Variants in CADM2 observed in about 807,000 individuals in gnomAD.
CADM2 encodes the protein immunoglobulin superfamily member 4D.
In CADM2, 12 loss-of-function variants were observed where a neutral mutation model predicts 49.8. The ratio of observed to expected loss-of-function variants is 0.24; its 90% confidence interval spans 0.15 to 0.39. The LOEUF (loss-of-function observed/expected upper bound fraction) is 0.39, where lower values mean the gene tolerates loss of function less well. Among genes scored for constraint, CADM2 ranks in the 10% least tolerant of loss-of-function variants. The pLI, the probability that CADM2 is intolerant of heterozygous loss-of-function variation, is 1.00. For missense variants in CADM2, 378 were observed against 492.3 expected (o/e 0.77, Z 2.20); for synonymous variants, 214 against 175.4 (o/e 1.22, Z -1.74).
At chr3:85,585,902 C>G (rs1414178897) in intron 1 of CADM2, among the ~76,000 whole-genome samples, 1 of 152,152 alleles carries the variant, frequency 6.6e-6, no homozygotes, top group Non-Finnish European at 1.5e-5. Context: ...TAAGATAATA[C>G]AGGTGTGACA....
At chr3:85,101,072 G>A (rs531968565) in intron 1 of CADM2, among the ~76,000 whole-genome samples, 3 of 152,202 alleles carry the variant, frequency 2.0e-5, no homozygotes, top group South Asian at 4.1e-4. Flanking sequence ...TGGCCAGCAT[G>A]GTGAAACCCT....
At chr3:85,939,272 A>G (rs757461239) in intron 7 of CADM2, among the ~76,000 whole-genome samples, 1 of 152,068 alleles carries the variant, frequency 6.6e-6, no homozygotes, top group Non-Finnish European at 1.5e-5. Flanking sequence ...CTATAGAAGC[A>G]TTCTATTCTT....
intron 1 of CADM2, among the ~76,000 whole-genome samples, chr3:85,570,007 A>G (rs901836389): frequency 6.6e-6 from 1 of 152,188 alleles, no homozygotes; most frequent in African/African-American, 2.4e-5. Flanking sequence ...CTCATTTTAT[A>G]TGATTCAAAC....
chr3:84,990,302 AT>A lies in CADM2; in HGVS notation c.61+30641del, dbSNP rs1330948658. Among the ~76,000 whole-genome samples the A allele has an allele frequency of 7.3e-5, 11 of 151,518 alleles. No individual in the cohort carries two copies. In the East Asian group the frequency reaches 1.4e-3, roughly 19 times the overall value. Reference sequence around the variant, plus strand: ...AAACATTAACTGGAATGATTTATATATTTTTTTAATTTGAGTGCTTGATCCA... The same window carrying A: ...AAACATTAACTGGAATGATTTATATATTTTTTAATTTGAGTGCTTGATCCA... On this transcript the variant is annotated intron_variant, in intron 1 of 9. Transcript: ENST00000383699.
At chr3:84,983,803 A>C (rs920988241) in intron 1 of CADM2, among the ~76,000 whole-genome samples, 1 of 152,028 alleles carries the variant, frequency 6.6e-6, no homozygotes, top group African/African-American at 2.4e-5. Flanking sequence ...TACGATTTTT[A>C]TTTTTCATTC....
chr3:85,873,959 G>A (rs550563574), intron 3 of CADM2, among the ~76,000 whole-genome samples: 27 of 151,998 alleles, frequency 1.8e-4, no homozygotes, highest in African/African-American at 5.8e-4. Context: ...GAAACTTTCC[G>A]TAGCAAAAAT....
intron 1 of CADM2, among the ~76,000 whole-genome samples, chr3:85,577,977 T>G (rs1330719642): frequency 6.9e-6 from 1 of 145,344 alleles, no homozygotes; most frequent in Non-Finnish European, 1.5e-5. Flanking sequence ...TCTTACCTAT[T>G]AATCTCTTTC....
intron 3 of CADM2, among the ~76,000 whole-genome samples, chr3:85,848,311 G>T (rs2074964494): frequency 6.6e-6 from 1 of 151,938 alleles, no homozygotes; most frequent in Non-Finnish European, 1.5e-5. Context: ...AATCTTAAAG[G>T]ACAAAAGGTT....
At chr3:85,576,661 G>A (rs1333202207) in intron 1 of CADM2, among the ~76,000 whole-genome samples, 1 of 151,818 alleles carries the variant, frequency 6.6e-6, no homozygotes, top group Non-Finnish European at 1.5e-5. Context: ...TATTCATTTG[G>A]AGTTAATGTT....
At chr3:85,841,173 A>G (rs1326987675) in intron 3 of CADM2, among the ~76,000 whole-genome samples, 1 of 151,908 alleles carries the variant, frequency 6.6e-6, no homozygotes, top group Non-Finnish European at 1.5e-5. Flanking sequence ...TTTCAGATAG[A>G]AATTTGACAA....
chr3:85,266,306 A>C (rs2106824652), intron 1 of CADM2, among the ~76,000 whole-genome samples: 1 of 152,050 alleles, frequency 6.6e-6, no homozygotes, highest in South Asian at 2.1e-4. Flanking sequence ...AAAGTAAATG[A>C]ATTCAAATGT....
chr3:85,665,381 A>T (rs1402467060), intron 1 of CADM2, among the ~76,000 whole-genome samples: 1 of 152,122 alleles, frequency 6.6e-6, no homozygotes, highest in African/African-American at 2.4e-5. Context: ...ACTTAGAATC[A>T]TAATTGGCCT....
At chr3:85,956,760 C>A (rs1461313679) in intron 7 of CADM2, among the ~76,000 whole-genome samples, 1 of 149,444 alleles carries the variant, frequency 6.7e-6, no homozygotes, top group Non-Finnish European at 1.5e-5. Flanking sequence ...AAAGACATAT[C>A]TGAATTTAAC....
intron 1 of CADM2, among the ~76,000 whole-genome samples, chr3:85,364,175 G>A (rs1559801506): frequency 2.0e-5 from 3 of 152,000 alleles, no homozygotes; most frequent in African/African-American, 7.2e-5. Context: ...TGATATTGCC[G>A]TTTTATGGCT....
At chr3:85,412,462 T>C (rs1040635779) in intron 1 of CADM2, among the ~76,000 whole-genome samples, 2 of 152,086 alleles carry the variant, frequency 1.3e-5, no homozygotes, top group African/African-American at 4.8e-5. Flanking sequence ...AGGTGAATTC[T>C]CTTGATGGCA....
chr3:85,054,871 C>T (rs181582350), intron 1 of CADM2, among the ~76,000 whole-genome samples: 2 of 151,798 alleles, frequency 1.3e-5, no homozygotes, highest in Non-Finnish European at 2.9e-5. Flanking sequence ...GAGTAAATAG[C>T]CTCAAGTCTA....
chr3:86,050,691 C>T (rs1737227191), intron 8 of CADM2, among the ~76,000 whole-genome samples: 1 of 152,186 alleles, frequency 6.6e-6, no homozygotes, highest in African/African-American at 2.4e-5. Flanking sequence ...CACATGGAAC[C>T]ACCAAGGCTT....
chr3:85,283,902 C>A (rs1325065272), intron 1 of CADM2, among the ~76,000 whole-genome samples: 1 of 152,110 alleles, frequency 6.6e-6, no homozygotes. Context: ...ATCTAAGCCT[C>A]TGAATGAGTT....
intron 1 of CADM2, among the ~76,000 whole-genome samples, chr3:85,126,996 A>G (rs2107602424): frequency 6.6e-6 from 1 of 152,270 alleles, no homozygotes; most frequent in Admixed American, 6.5e-5. Context: ...TGTTGAGAAT[A>G]TTATGATTTC....
Sources: gnomAD v4.1 joint callset for allele counts (sites outside exome capture counted in the v4.1 genomes callset) on GRCh38, gnomAD v4.1.1 for gene constraint, MANE v1.5 for transcripts, NCBI Gene and HGNC (gene_info 2026-07-23, HGNC 2026-07-21) for gene names.